SNX29: variants seen among roughly 807,000 people sequenced by gnomAD.
SNX29 encodes sorting nexin-29.
Under a neutral mutation model 102.1 loss-of-function variants are expected in SNX29, and 78 were observed. The ratio of observed to expected loss-of-function variants is 0.76; its 90% CI spans 0.64 to 0.92. The LOEUF is 0.92. SNX29 is among the 40% of genes least tolerant of loss of function. The probability of loss-of-function intolerance (pLI) is 0.00; values close to 1 mark genes in which losing one functional copy is unlikely to be tolerated. For missense variants in SNX29, 1,280 were observed against 1,061.7 expected, an observed-to-expected ratio of 1.21 and a Z score of -2.86; for synonymous variants, 580 against 414.5, an observed-to-expected ratio of 1.40 and a Z score of -4.85.
At chr16:12,495,888 A>C (rs775219646) in intron 19 of SNX29, among the ~76,000 whole-genome samples, 3 of 152,228 alleles carry the variant, frequency 2.0e-5, no homozygotes, top group Non-Finnish European at 4.4e-5. Context: ...CCCCATGTCT[A>C]CTAAAAATAC....
At chr16:12,484,608 C>G (rs544990490) in intron 19 of SNX29, among the ~76,000 whole-genome samples, 96 of 151,726 alleles carry the variant, frequency 6.3e-4, no homozygotes, top group Non-Finnish European at 9.9e-4. Context: ...CTCAGCCACA[C>G]TGGTGTCCTA....
intron 7 of SNX29, among the ~76,000 whole-genome samples, chr16:12,048,908 A>G (rs3960976): frequency 6.6e-6 from 1 of 152,180 alleles, no homozygotes; most frequent in Non-Finnish European, 1.5e-5. Flanking sequence ...CTCATTCATT[A>G]ATTCCTTTAT....
At chr16:11,981,928 G>C (rs999444945) in intron 1 of SNX29, among the ~76,000 whole-genome samples, 8 of 152,084 alleles carry the variant, frequency 5.3e-5, no homozygotes, top group African/African-American at 1.9e-4. Context: ...GGGTGGGTCT[G>C]GCGTGATTGC....
intron 16 of SNX29, among the ~76,000 whole-genome samples, chr16:12,364,999 T>C (rs1235826889): frequency 6.6e-6 from 1 of 152,154 alleles, no homozygotes. Flanking sequence ...GCAGTCCTTA[T>C]AATTTTCTTA....
At chr16:12,255,458 C>A (rs959659976) in intron 14 of SNX29, among the ~76,000 whole-genome samples, 2 of 152,148 alleles carry the variant, frequency 1.3e-5, no homozygotes, top group Non-Finnish European at 2.9e-5. Flanking sequence ...CTACAGCCAC[C>A]ATGCTGTCCC....
intron 15 of SNX29, among the ~76,000 whole-genome samples, chr16:12,282,678 G>T (rs894141888): frequency 2.0e-5 from 3 of 152,142 alleles, no homozygotes; most frequent in Admixed American, 6.5e-5. Context: ...TTTTTGAGAT[G>T]GAGTTTTGCT....
chr16:12,296,829 AGCGAG>A (rs1263763951), intron 15 of SNX29, among the ~76,000 whole-genome samples: 1 of 152,250 alleles, frequency 6.6e-6, no homozygotes, highest in Non-Finnish European at 1.5e-5. Context: ...AAAGGACTAA[AGCGAG>A]GCCCACCTAG....
At chr16:12,251,093 G>C (rs1026063023) in intron 14 of SNX29, among the ~76,000 whole-genome samples, 3 of 152,216 alleles carry the variant, frequency 2.0e-5, no homozygotes, top group Admixed American at 1.3e-4. Flanking sequence ...GCTTTGTTGG[G>C]AGCATAGGCG....
chr16:12,317,468 G>C (rs1391092498), intron 15 of SNX29, among the ~76,000 whole-genome samples: 2 of 152,158 alleles, frequency 1.3e-5, no homozygotes, highest in Admixed American at 6.5e-5. Flanking sequence ...CCACATCCTA[G>C]GGTGACTTGA....
chr16:12,126,562 C>A, intron 11 of SNX29, 71 bp from the exon 12 acceptor site: 3 of 1,492,806 alleles, frequency 2.0e-6, no homozygotes, highest in Non-Finnish European at 2.8e-6. Context: ...AGCATATAAT[C>A]CAGAGAGGTG....
chr16:12,406,149 A>G (rs1297097437), intron 18 of SNX29, among the ~76,000 whole-genome samples: 1 of 152,256 alleles, frequency 6.6e-6, no homozygotes, highest in Admixed American at 6.5e-5. Flanking sequence ...AGGGTCAATG[A>G]AAATGTAAAC....
At chr16:12,196,626 T>C (rs1255643775) in intron 13 of SNX29, among the ~76,000 whole-genome samples, 2 of 147,350 alleles carry the variant, frequency 1.4e-5, no homozygotes, top group Non-Finnish European at 3.0e-5. Flanking sequence ...TTTTTTCTTT[T>C]TTTTTTTTTT....
chr16:12,087,718 C>G (rs1339989128), intron 11 of SNX29: 1 of 395,290 alleles, frequency 2.5e-6, no homozygotes, highest in Admixed American at 2.8e-5. Flanking sequence ...ATTACTGGTC[C>G]ATTGTACAGA....
chr16:12,274,263 T>C (rs1004108418), intron 14 of SNX29, among the ~76,000 whole-genome samples: 1 of 152,222 alleles, frequency 6.6e-6, no homozygotes, highest in African/African-American at 2.4e-5. Flanking sequence ...TGTTGCTGTT[T>C]AGAAACCCTA....
At chr16:12,014,732 C>CAAAAAAAAAAAAAAAAAAAA (rs201224471) in intron 3 of SNX29, among the ~76,000 whole-genome samples, 1 of 72,106 alleles carries the variant, frequency 1.4e-5, no homozygotes, top group Non-Finnish European at 2.5e-5. Context: ...AGCTCCGTCT[C>CAAAAAAAAAAAAAAAAAAAA]AAAAAAAAAA....
chr16:12,550,176 C>T (rs561422900), intron 20 of SNX29, among the ~76,000 whole-genome samples: 1 of 152,186 alleles, frequency 6.6e-6, no homozygotes, highest in African/African-American at 2.4e-5. Context: ...GAAAAAATCT[C>T]CATGACATTA....
chr16:12,230,829 T>TATGA (rs1285527141), intron 14 of SNX29, among the ~76,000 whole-genome samples: 1 of 96,798 alleles, frequency 1.0e-5, no homozygotes, highest in Non-Finnish European at 2.1e-5. Flanking sequence ...CGTATGTATG[T>TATGA]ATGTATGTAT....
At chr16:12,526,252 C>T (rs1247057028) in intron 20 of SNX29, among the ~76,000 whole-genome samples, 1 of 152,146 alleles carries the variant, frequency 6.6e-6, no homozygotes, top group East Asian at 1.9e-4. Context: ...GGGTGCATTT[C>T]TGCTCCCCTC....
chr16:12,268,046 G>A (rs958676450), intron 14 of SNX29, among the ~76,000 whole-genome samples: 5 of 152,130 alleles, frequency 3.3e-5, no homozygotes, highest in African/African-American at 4.8e-5. Flanking sequence ...TTCTCTGCAG[G>A]GCTGTGCGGA....
Sources: gnomAD v4.1 joint callset for allele counts (sites outside exome capture counted in the v4.1 genomes callset) on GRCh38, gnomAD v4.1.1 for gene constraint, MANE v1.5 for transcripts, NCBI Gene and HGNC (gene_info 2026-07-23, HGNC 2026-07-21) for gene names.